The following PARD3B variants were observed in gnomAD, a reference collection of about 807,000 sequenced individuals.
The protein encoded by PARD3B is par-3 family cell polarity regulator beta, also known as partitioning defective 3 homolog B.
PARD3B carries 103 observed loss-of-function variants against 130.2 expected under a neutral mutation model. The ratio of observed to expected loss-of-function variants is 0.79; its 90% confidence interval spans 0.67 to 0.93. The LOEUF is 0.93. PARD3B is among the 40% of genes least tolerant of loss of function. The probability of loss-of-function intolerance (pLI) is 0.00; values close to 1 mark genes in which losing one functional copy is unlikely to be tolerated. For missense variants in PARD3B, 1,609 were observed against 1,499.2 expected (o/e 1.07, Z -1.21); for synonymous variants, 583 against 553.2 (o/e 1.05, Z -0.76).
At chr2:205,373,223 A>G (rs535024119) in intron 18 of PARD3B, among the ~76,000 whole-genome samples, 5 of 152,234 alleles carry the variant, frequency 3.3e-5, no homozygotes, top group Admixed American at 1.3e-4. Context: ...GAATCAGAAG[A>G]TGAAAATCAA....
intron 1 of PARD3B, among the ~76,000 whole-genome samples, chr2:204,579,310 A>C (rs367686265): frequency 2.0e-5 from 3 of 151,930 alleles, no homozygotes; most frequent in African/African-American, 4.8e-5. Context: ...AGGGTCTAGT[A>C]AGGCCAGGGT....
intron 2 of PARD3B, among the ~76,000 whole-genome samples, chr2:204,858,375 C>G (rs147194254): frequency 6.6e-6 from 1 of 151,882 alleles, no homozygotes; most frequent in Non-Finnish European, 1.5e-5. Context: ...ATTATTCAGC[C>G]TTTTTAAAAA....
In PARD3B at chr2:205,617,389, G is replaced by A. The variant is rs929581827; in HGVS notation, c.*1576G>A. The A allele has an allele frequency of 6.6e-6, 1 of 152,014 alleles. No homozygotes were observed. The highest frequency in any genetic ancestry group is 2.4e-5 in the African/African-American group (1 of 41,360). The allele number at this position is 152,014 out of a possible 1,614,324, so 9.4% of individuals were successfully genotyped here. Reference sequence around the variant, plus strand: ...TTTAATTTAGGTCTATTTTGGCTGAGATTAGCATACCTCTGACTCACAGGA... The same window carrying A: ...TTTAATTTAGGTCTATTTTGGCTGAAATTAGCATACCTCTGACTCACAGGA... On this transcript the variant is annotated 3_prime_UTR_variant, in exon 23 of 23. Transcript: ENST00000406610.
intron 2 of PARD3B, among the ~76,000 whole-genome samples, chr2:204,870,633 GA>G (rs1202545292): frequency 6.6e-6 from 1 of 152,150 alleles, no homozygotes; most frequent in African/African-American, 2.4e-5. Context: ...ACATGTTGAA[GA>G]GTTTGCAAGA....
At chr2:205,360,111 A>G (rs903360794) in intron 18 of PARD3B, among the ~76,000 whole-genome samples, 2 of 152,170 alleles carry the variant, frequency 1.3e-5, no homozygotes, top group Non-Finnish European at 2.9e-5. Flanking sequence ...ATGCATATCA[A>G]GTTGTATTTC....
intron 2 of PARD3B, among the ~76,000 whole-genome samples, chr2:204,712,636 A>C (rs984149960): frequency 6.6e-5 from 10 of 151,484 alleles, no homozygotes; most frequent in African/African-American, 1.9e-4. Flanking sequence ...ACAAAAAAAA[A>C]AGTGAACAAC....
intron 16 of PARD3B, among the ~76,000 whole-genome samples, chr2:205,249,005 A>ATTTTT (rs1169475061): frequency 1.8e-5 from 2 of 112,398 alleles, no homozygotes; most frequent in African/African-American, 7.8e-5. Context: ...TTAAAATAAG[A>ATTTTT]GTTTTTTTTT....
At chr2:205,561,397 G>A (rs562972611) in intron 22 of PARD3B, among the ~76,000 whole-genome samples, 3 of 152,250 alleles carry the variant, frequency 2.0e-5, no homozygotes, top group African/African-American at 7.2e-5. Context: ...CAGAACATTA[G>A]GTAAACAGGT....
In PARD3B at chr2:205,005,176, CACACAT is replaced by C. The variant is rs1244703306; in HGVS notation, c.394+39855_394+39860del. On this transcript the variant is annotated intron_variant, in intron 3 of 22. Transcript: ENST00000406610. ...TCTTCTCCTCTCTAGTATACACACA[CACACAT>C]ATACACACAGAGAGAAAGTATACAC... Among the ~76,000 whole-genome samples, 9 of 152,012 alleles carry C rather than the reference CACACAT, an allele frequency of 5.9e-5. No individual in the cohort carries two copies. In the East Asian group the frequency reaches 1.7e-3, roughly 29 times the overall value.
rs916908996 is a variant in PARD3B at position 205,366,207 on chromosome 2, T to G, written c.2631-34806T>G. Among the ~76,000 whole-genome samples the G allele has an allele frequency of 6.6e-6, 1 of 152,190 alleles. No individual in the cohort carries two copies. The highest frequency in any genetic ancestry group is 1.5e-5 in the Non-Finnish European group (1 of 68,044). Reference sequence around the variant, plus strand: ...AACTTAGGAAACATTAAAATTAGCTTTACATTCCATAAGCACCCATACACT... The same window carrying G: ...AACTTAGGAAACATTAAAATTAGCTGTACATTCCATAAGCACCCATACACT... On this transcript the variant is annotated intron_variant, in intron 18 of 22. Coordinates refer to ENST00000406610, the MANE Select transcript of PARD3B (RefSeq NM_001302769.2). This position sits in a 1 kb window ranked among gnomAD's most constrained non-coding sequence, Gnocchi z 5.0.
chr2:205,171,810 C>G (rs1489642488), intron 11 of PARD3B, among the ~76,000 whole-genome samples: 1 of 152,194 alleles, frequency 6.6e-6, no homozygotes, highest in Non-Finnish European at 1.5e-5. Flanking sequence ...CCTGAAAAGG[C>G]AAATTCTCCT....
At chr2:204,681,390 G>A (rs544934368) in intron 1 of PARD3B, among the ~76,000 whole-genome samples, 8 of 152,174 alleles carry the variant, frequency 5.3e-5, no homozygotes, top group Admixed American at 3.9e-4. Context: ...TAAAAACTCC[G>A]GGTCCCATTC....
At chr2:204,717,785 G>C (rs1350233915) in intron 2 of PARD3B, among the ~76,000 whole-genome samples, 1 of 152,138 alleles carries the variant, frequency 6.6e-6, no homozygotes, top group South Asian at 2.1e-4. Flanking sequence ...GGAAGAGGTG[G>C]CATCTGTGCC....
intron 3 of PARD3B, among the ~76,000 whole-genome samples, chr2:204,980,122 C>G (rs1424335867): frequency 6.6e-6 from 1 of 152,116 alleles, no homozygotes; most frequent in Non-Finnish European, 1.5e-5. Flanking sequence ...TCCTAAAAGT[C>G]ATAAGAGGAA....
intron 16 of PARD3B, among the ~76,000 whole-genome samples, chr2:205,270,332 G>A (rs1045353347): frequency 3.3e-5 from 5 of 152,068 alleles, no homozygotes. Context: ...ACTTTGGGAG[G>A]CCGAGGCAGG....
At chr2:205,467,085 G>A (rs1255055985) in intron 20 of PARD3B, among the ~76,000 whole-genome samples, 3 of 152,186 alleles carry the variant, frequency 2.0e-5, no homozygotes, top group Non-Finnish European at 2.9e-5. Context: ...CCATTGATCT[G>A]CATCATAAAC....
At chr2:205,536,641 G>A (rs912713570) in intron 21 of PARD3B, among the ~76,000 whole-genome samples, 12 of 152,168 alleles carry the variant, frequency 7.9e-5, no homozygotes, top group Non-Finnish European at 1.5e-4. Context: ...AAGATACTCG[G>A]AGAGACCTGT....
At chr2:205,329,474 A>T (rs1025967041) in intron 18 of PARD3B, among the ~76,000 whole-genome samples, 1 of 152,160 alleles carries the variant, frequency 6.6e-6, no homozygotes, top group African/African-American at 2.4e-5. Context: ...AAATAAGATA[A>T]AATATTAGAT....
At chr2:204,649,746 C>T (rs1021835057) in intron 1 of PARD3B, among the ~76,000 whole-genome samples, 2 of 152,114 alleles carry the variant, frequency 1.3e-5, no homozygotes, top group Non-Finnish European at 2.9e-5. Flanking sequence ...CTTCCTTAAA[C>T]CATATACAAA....
Sources: gnomAD v4.1 joint callset for allele counts (sites outside exome capture counted in the v4.1 genomes callset) on GRCh38, gnomAD v4.1.1 for gene constraint, Gnocchi (gnomAD v3.1) non-coding constraint, MANE v1.5 for transcripts, NCBI Gene and HGNC (gene_info 2026-07-23, HGNC 2026-07-21) for gene names.